RPS6KC1: variants seen among roughly 807,000 people sequenced by gnomAD.
RPS6KC1 encodes inactive ribosomal protein S6 kinase delta-1.
Under a neutral mutation model 103.8 loss-of-function variants are expected in RPS6KC1, and 54 were observed. The ratio of observed to expected loss-of-function variants is 0.52; its 90% CI spans 0.42 to 0.65. The LOEUF is 0.65. Ranked by LOEUF, RPS6KC1 falls within the 30% of genes least tolerant of loss-of-function variation. The pLI is 0.00. For missense variants in RPS6KC1, 1,151 were observed against 1,253.8 expected (o/e 0.92, Z 1.24); for synonymous variants, 439 against 438.7 (o/e 1.00, Z -0.01).
chr1:213,224,677 C>T (rs555326386), intron 8 of RPS6KC1, among the ~76,000 whole-genome samples: 1 of 152,080 alleles, frequency 6.6e-6, no homozygotes, highest in Admixed American at 6.5e-5. Flanking sequence ...GTGAGCAAAC[C>T]CATGAGCAGT....
At chr1:213,482,980 G>T in the RPS6KC1 span, among the ~76,000 whole-genome samples, 1 of 151,906 alleles carries the variant, frequency 6.6e-6, no homozygotes, top group Non-Finnish European at 1.5e-5. Flanking sequence ...CTTTGTTGTT[G>T]TTCTCCATAC....
the RPS6KC1 span, among the ~76,000 whole-genome samples, chr1:213,647,875 A>T: frequency 2.0e-5 from 3 of 152,186 alleles, no homozygotes; most frequent in South Asian, 2.1e-4. Flanking sequence ...ATTTTATTTC[A>T]TCCCTTTATA....
the RPS6KC1 span, among the ~76,000 whole-genome samples, chr1:213,836,226 C>T: frequency 6.6e-6 from 1 of 151,834 alleles, no homozygotes; most frequent in Non-Finnish European, 1.5e-5. Context: ...GTAGGCCTAT[C>T]TTACACAATT....
At chr1:213,728,962 T>TTTTTTTTTTTTTTTTTTTTTTTTTG in the RPS6KC1 span, among the ~76,000 whole-genome samples, 1 of 146,934 alleles carries the variant, frequency 6.8e-6, no homozygotes, top group African/African-American at 2.6e-5. Context: ...TTTTTTTTTT[T>TTTTTTTTTTTTTTTTTTTTTTTTTG]TTTACCAGTG....
the RPS6KC1 span, among the ~76,000 whole-genome samples, chr1:213,688,084 T>G: frequency 3.6e-3 from 547 of 152,298 alleles, 3 homozygotes; most frequent in African/African-American, 0.012. Flanking sequence ...CCCCCTTTCT[T>G]CAGCTTTGCC....
At chr1:213,684,252 C>T in the RPS6KC1 span, among the ~76,000 whole-genome samples, 2 of 152,282 alleles carry the variant, frequency 1.3e-5, no homozygotes, top group East Asian at 1.9e-4. Flanking sequence ...ATATCATGAT[C>T]CTCACAGCAA....
At chr1:213,236,736 A>G (rs1484664735) in intron 10 of RPS6KC1, among the ~76,000 whole-genome samples, 3 of 152,158 alleles carry the variant, frequency 2.0e-5, no homozygotes, top group Non-Finnish European at 2.9e-5. Context: ...TGGGTCAGTC[A>G]AAGATGAAAG....
At chr1:213,169,022 A>G (rs2091248141) in intron 7 of RPS6KC1, among the ~76,000 whole-genome samples, 1 of 152,174 alleles carries the variant, frequency 6.6e-6, no homozygotes, top group Admixed American at 6.5e-5. Flanking sequence ...TAATGAGAAT[A>G]TAGTAATTTT....
chr1:213,532,325 A>G, the RPS6KC1 span, among the ~76,000 whole-genome samples: 2 of 146,520 alleles, frequency 1.4e-5, no homozygotes, highest in African/African-American at 4.9e-5. Context: ...TCTCCATCTT[A>G]GATTTATAGG....
chr1:213,468,446 A>T, the RPS6KC1 span, among the ~76,000 whole-genome samples: 8 of 152,174 alleles, frequency 5.3e-5, no homozygotes, highest in Admixed American at 1.3e-4. Context: ...GTGGAAAAGC[A>T]TGAAGGACTC....
intron 4 of RPS6KC1, among the ~76,000 whole-genome samples, chr1:213,112,763 G>C (rs1206665796): frequency 6.7e-6 from 1 of 150,022 alleles, no homozygotes; most frequent in East Asian, 2.0e-4. Flanking sequence ...CCCTTCCTGT[G>C]TCCATGTGTT....
chr1:213,209,848 A>G (rs1008088182), intron 8 of RPS6KC1, among the ~76,000 whole-genome samples: 1 of 152,074 alleles, frequency 6.6e-6, no homozygotes, highest in African/African-American at 2.4e-5. Flanking sequence ...TTTTTGGGAA[A>G]GGGGTGTGAA....
intron 3 of RPS6KC1, among the ~76,000 whole-genome samples, chr1:213,087,198 G>A (rs1200320367): frequency 6.6e-6 from 1 of 151,956 alleles, no homozygotes; most frequent in Non-Finnish European, 1.5e-5. Context: ...TCTTTGTTAT[G>A]TATAGACTTC....
intron 8 of RPS6KC1, among the ~76,000 whole-genome samples, chr1:213,187,452 G>T (rs2092579736): frequency 6.6e-6 from 1 of 151,728 alleles, no homozygotes; most frequent in Non-Finnish European, 1.5e-5. Flanking sequence ...CACCATGTTG[G>T]CCTGGCTGGT....
the RPS6KC1 span, chr1:213,832,668 G>A: frequency 6.6e-6 from 1 of 152,202 alleles, no homozygotes; most frequent in Non-Finnish European, 1.5e-5. Context: ...GATGGCCATG[G>A]CTGAAACATT....
chr1:213,179,395 A>G (rs1409957478), intron 8 of RPS6KC1, among the ~76,000 whole-genome samples: 1 of 151,958 alleles, frequency 6.6e-6, no homozygotes, highest in Non-Finnish European at 1.5e-5. Flanking sequence ...AGCCTGGGCA[A>G]CAGAGCCAGA....
the RPS6KC1 span, among the ~76,000 whole-genome samples, chr1:213,862,142 A>C: frequency 6.6e-6 from 1 of 152,214 alleles, no homozygotes; most frequent in African/African-American, 2.4e-5. Flanking sequence ...AAGCACGTAT[A>C]GACCATTTGC....
the RPS6KC1 span, among the ~76,000 whole-genome samples, chr1:213,621,364 C>T: frequency 1.3e-4 from 18 of 143,746 alleles, no homozygotes; most frequent in African/African-American, 4.7e-4. Flanking sequence ...TCATGTGTCA[C>T]TCTTCTGCTA....
the RPS6KC1 span, among the ~76,000 whole-genome samples, chr1:213,556,412 G>A: frequency 3.9e-5 from 6 of 152,224 alleles, no homozygotes; most frequent in Non-Finnish European, 7.3e-5. Context: ...AACAAGTACA[G>A]CATTAGTCTC....
Sources: gnomAD v4.1 joint callset for allele counts (sites outside exome capture counted in the v4.1 genomes callset) on GRCh38, gnomAD v4.1.1 for gene constraint, MANE v1.5 for transcripts, NCBI Gene and HGNC (gene_info 2026-07-23, HGNC 2026-07-21) for gene names.